PLD5: variants seen among roughly 807,000 people sequenced by gnomAD.
The protein encoded by PLD5 is inactive phospholipase D5.
A neutral mutation model predicts 61.1 loss-of-function variants in PLD5; 36 were observed. The observed-to-expected ratio is 0.59, with a 90% CI of 0.45 to 0.78. The LOEUF (loss-of-function observed/expected upper bound fraction) is 0.78, where lower values mean the gene tolerates loss of function less well. Among genes scored for constraint, PLD5 ranks in the 30% least tolerant of loss-of-function variants. The pLI is 0.00. For missense variants in PLD5, 515 were observed against 644.4 expected (o/e 0.80, Z 2.17); for synonymous variants, 243 against 242.8 (o/e 1.00, Z -0.01).
rs145595087 is a variant in PLD5 at position 242,439,547 on chromosome 1, C to T, written c.189+84541G>A. ...GGCATAGAATCTGGTGAGCAGCTAG[C>T]GGTCCATAAATATCTACTGGAGAAT... is the stretch of plus-strand genomic sequence containing the variant. On this transcript the variant is annotated intron_variant, in intron 1 of 9. Transcript: ENST00000536534. 2.0e-4 allele frequency among the ~76,000 whole-genome samples: 30 copies of T among 152,176 alleles called. 2 individuals are homozygous for T. In the East Asian group the frequency reaches 4.2e-3, roughly 22 times the overall value.
Position 242,524,368 on chromosome 1 carries a change from G to C in PLD5, c.-92C>G. 1.6e-6 allele frequency: 2 copies of C among 1,226,154 alleles called. No homozygotes were observed. Among genetic ancestry groups the C allele is most frequent in the Non-Finnish European group, 2.1e-6 (2 of 949,942 alleles). The allele number at this position is 1,226,154 out of a possible 1,614,324, so 76.0% of individuals were successfully genotyped here. A position where few individuals can be genotyped will look rare whatever the true frequency, so the allele number is the denominator to read the frequency against. On this transcript the variant is annotated 5_prime_UTR_variant, in exon 1 of 10. Transcript: ENST00000536534. ...GGAGGGCGAGCGGGAGGCCCAGCGG[G>C]AGCCGGAGGTGGAGCTGGAGACTGA...
At chr1:242,174,268 C>T (rs1192451217) in intron 5 of PLD5, among the ~76,000 whole-genome samples, 1 of 152,188 alleles carries the variant, frequency 6.6e-6, no homozygotes, top group Non-Finnish European at 1.5e-5. Flanking sequence ...CAAAAGAAGA[C>T]ATTTATGCAG....
intron 1 of PLD5, among the ~76,000 whole-genome samples, chr1:242,467,717 T>C (rs1667321207): frequency 6.6e-6 from 1 of 152,148 alleles, no homozygotes; most frequent in South Asian, 2.1e-4. Context: ...TCATTGAAGT[T>C]ACCATGAGGG....
In PLD5 at chr1:242,256,771, T is replaced by TATCTATC. The variant is rs1673050800; in HGVS notation, c.607+8559_607+8565dup. Among the ~76,000 whole-genome samples the TATCTATC allele has an allele frequency of 6.7e-6, 1 of 149,566 alleles. No homozygotes were observed. Among genetic ancestry groups the TATCTATC allele is most frequent in the Non-Finnish European group, 1.5e-5 (1 of 67,950 alleles). ...TCATCTATCTATCTATCTATCTATC[T>TATCTATC]ATCTATCTATCTATCTATCTATCTA... On this transcript the variant is annotated intron_variant, in intron 4 of 9. Coordinates refer to ENST00000536534, the MANE Select transcript of PLD5 (RefSeq NM_001372062.1). The surrounding 1 kb of genome is among the most constrained non-coding windows in gnomAD (Gnocchi z 5.7).
At chr1:242,527,291 C>T (rs1391670984), upstream of PLD5, among the ~76,000 whole-genome samples, 5 of 151,746 alleles carry the variant, frequency 3.3e-5, no homozygotes, top group South Asian at 2.1e-4. Context: ...CTATCACACC[C>T]GGCTAATTTT....
chr1:242,110,808 TCA>T lies in PLD5; in HGVS notation c.1071-2971_1071-2970del, dbSNP rs111464015. On this transcript the variant is annotated intron_variant, in intron 7 of 9. Transcript: ENST00000536534. Reference sequence around the variant, plus strand: ...TGGGCGACAAGAGCAAAACTCTGTCTCACACACACACACACACACACCAATGG... The same window carrying T: ...TGGGCGACAAGAGCAAAACTCTGTCTCACACACACACACACACACCAATGG... Among the ~76,000 whole-genome samples the T allele has an allele frequency of 6.1e-4, 91 of 150,026 alleles. 3 individuals are homozygous for T. In the South Asian group the frequency reaches 0.016, roughly 27 times the overall value.
At chr1:242,410,559 T>G (rs1664492519) in intron 1 of PLD5, among the ~76,000 whole-genome samples, 1 of 152,180 alleles carries the variant, frequency 6.6e-6, no homozygotes, top group Admixed American at 6.5e-5. Flanking sequence ...TTCAAAATGC[T>G]ATTTTCTATT....
intron 1 of PLD5, among the ~76,000 whole-genome samples, chr1:242,394,238 GTATA>G (rs200952144): frequency 2.6e-5 from 2 of 76,994 alleles, no homozygotes; most frequent in African/African-American, 5.6e-5. Context: ...ATATATATGA[GTATA>G]TATATGTGTA....
intron 1 of PLD5, among the ~76,000 whole-genome samples, chr1:242,375,604 T>C (rs1294770000): frequency 2.0e-5 from 3 of 152,058 alleles, no homozygotes; most frequent in Non-Finnish European, 4.4e-5. Flanking sequence ...AAAGAATTCC[T>C]TTACTTAAAA....
chr1:242,146,585 C>G (rs946509020), intron 5 of PLD5, among the ~76,000 whole-genome samples: 5 of 151,890 alleles, frequency 3.3e-5, no homozygotes, highest in African/African-American at 1.2e-4. Flanking sequence ...TTATAGAATG[C>G]CACAATTTTA....
intron 5 of PLD5, among the ~76,000 whole-genome samples, chr1:242,204,796 G>A (rs74150848): frequency 0.011 from 1,629 of 152,194 alleles, 27 homozygotes; most frequent in African/African-American, 0.037. Context: ...GTCATATAAC[G>A]ATTAAGGAGT....
intron 4 of PLD5, among the ~76,000 whole-genome samples, chr1:242,224,591 A>G (rs926537128): frequency 6.6e-6 from 1 of 152,200 alleles, no homozygotes; most frequent in Non-Finnish European, 1.5e-5. Context: ...TAGTATCCAC[A>G]TGCAAAAGAA....
At chr1:242,479,450 T>G (rs1170457661) in intron 1 of PLD5, among the ~76,000 whole-genome samples, 1 of 152,164 alleles carries the variant, frequency 6.6e-6, no homozygotes, top group Non-Finnish European at 1.5e-5. Context: ...ACATACATGA[T>G]TTAGGATAAT....
rs1660124611 is a variant in PLD5 at position 242,095,149 on chromosome 1, A to G, written c.1355-5039T>C. 2.6e-5 allele frequency among the ~76,000 whole-genome samples: 4 copies of G among 151,572 alleles called. No homozygotes were observed. The South Asian group carries it at 8.3e-4, about 31-fold the overall frequency. The stretch of plus-strand genomic sequence containing the variant: ...GACGGGGTTTCACATTGTTACCAGG[A>G]TGGTCTCTATCTCCTGACCTTGTGA... On this transcript the variant is annotated intron_variant, in intron 9 of 9. Coordinates refer to ENST00000536534, the MANE Select transcript of PLD5 (RefSeq NM_001372062.1).
chr1:242,450,567 T>A (rs190205286), intron 1 of PLD5, among the ~76,000 whole-genome samples: 32 of 152,282 alleles, frequency 2.1e-4, no homozygotes, highest in African/African-American at 7.7e-4. Context: ...TCTTGTATGG[T>A]TAGGCCTAGA....
chr1:242,403,701 C>A (rs1358391816), intron 1 of PLD5, among the ~76,000 whole-genome samples: 1 of 152,064 alleles, frequency 6.6e-6, no homozygotes, highest in African/African-American at 2.4e-5. Context: ...CCCTTGACCT[C>A]AAGTGATCCG....
chr1:242,183,767 C>A (rs1057455119), intron 5 of PLD5, among the ~76,000 whole-genome samples: 1 of 137,806 alleles, frequency 7.3e-6, no homozygotes, highest in East Asian at 2.0e-4. Context: ...GGTGGCGGGC[C>A]CCTGTAGTCC....
intron 1 of PLD5, among the ~76,000 whole-genome samples, chr1:242,495,445 C>T (rs1875757): frequency 0.44 from 67,051 of 151,652 alleles, 15,182 homozygotes; most frequent in East Asian, 0.64. Context: ...GCAGTGAAGA[C>T]ACGAGCTGTA....
intron 1 of PLD5, among the ~76,000 whole-genome samples, chr1:242,485,044 T>C (rs572500343): frequency 4.6e-5 from 7 of 152,270 alleles, no homozygotes; most frequent in African/African-American, 1.2e-4. Context: ...AAATTAGGTA[T>C]TGATGGGATG....
Sources: gnomAD v4.1 joint callset for allele counts (sites outside exome capture counted in the v4.1 genomes callset) on GRCh38, gnomAD v4.1.1 for gene constraint, Gnocchi (gnomAD v3.1) non-coding constraint, MANE v1.5 for transcripts, NCBI Gene and HGNC (gene_info 2026-07-23, HGNC 2026-07-21) for gene names.